The following DGKB variants were observed in gnomAD, a reference collection of about 807,000 sequenced individuals.
DGKB encodes diacylglycerol kinase beta.
Under a neutral mutation model 114.3 loss-of-function variants are expected in DGKB, and 67 were observed. The ratio of observed to expected loss-of-function variants is 0.59; its 90% CI spans 0.48 to 0.72. The LOEUF (loss-of-function observed/expected upper bound fraction) is 0.72. Ranked by LOEUF, DGKB falls within the 30% of genes least tolerant of loss-of-function variation. DGKB has a pLI of 0.00. For synonymous variants in DGKB, 398 were observed against 323.1 expected (o/e 1.23, Z -2.49); for missense variants, 907 against 975.2 (o/e 0.93, Z 0.93).
chr7:14,378,504 A>C (rs2128672639), intron 21 of DGKB, among the ~76,000 whole-genome samples: 1 of 152,310 alleles, frequency 6.6e-6, no homozygotes, highest in East Asian at 1.9e-4. Context: ...CAAAATAAAA[A>C]ATTTATTTAA....
intron 4 of DGKB, among the ~76,000 whole-genome samples, chr7:14,737,189 A>G (rs1011813909): frequency 6.6e-6 from 1 of 151,956 alleles, no homozygotes; most frequent in Non-Finnish European, 1.5e-5. Context: ...TGAAAGGACT[A>G]GAAGACCTAC....
chr7:14,759,466 G>A (rs1586279513), intron 2 of DGKB, among the ~76,000 whole-genome samples: 2 of 151,984 alleles, frequency 1.3e-5, no homozygotes, highest in Non-Finnish European at 1.5e-5. Context: ...TGTGTCTATG[G>A]ATTTGCCTAT....
At chr7:14,218,863 A>T (rs1359659115) in intron 23 of DGKB, among the ~76,000 whole-genome samples, 1 of 151,792 alleles carries the variant, frequency 6.6e-6, no homozygotes, top group Non-Finnish European at 1.5e-5. Flanking sequence ...CATTTTCATC[A>T]CTTCAGGAAG....
chr7:14,856,020 C>CACACACACACCA lies in DGKB; in HGVS notation c.-187-14571_-187-14570insTGGTGTGTGTGT, dbSNP rs3036255. On this transcript the variant is annotated intron_variant, in intron 1 of 25. Transcript: ENST00000402815. ...ATATATATACACACACACACACACA[C>CACACACACACCA]ATAATTAACATACTCCTAAACCTCT... Among the ~76,000 whole-genome samples the CACACACACACCA allele has an allele frequency of 2.7e-3, 407 of 148,922 alleles. 2 individuals carry two copies. Among genetic ancestry groups the CACACACACACCA allele is most frequent in the African/African-American group, 9.6e-3 (388 of 40,216 alleles).
At chr7:14,514,107 C>G (rs1488056767) in intron 20 of DGKB, among the ~76,000 whole-genome samples, 1 of 151,988 alleles carries the variant, frequency 6.6e-6, no homozygotes. Flanking sequence ...AACTTGAGAA[C>G]TGATTTGATT....
chr7:14,847,931 A>G (rs969803292), intron 1 of DGKB, among the ~76,000 whole-genome samples: 1 of 152,202 alleles, frequency 6.6e-6, no homozygotes, highest in Admixed American at 6.5e-5. Flanking sequence ...GTAAGCAAGA[A>G]GTAAAGGAGC....
intron 13 of DGKB, among the ~76,000 whole-genome samples, chr7:14,633,491 C>G (rs896393031): frequency 6.6e-6 from 1 of 151,838 alleles, no homozygotes; most frequent in African/African-American, 2.4e-5. Context: ...ACATGCCCAT[C>G]AGTAGTTTAT....
intron 5 of DGKB, among the ~76,000 whole-genome samples, chr7:14,725,206 C>T (rs1430025017): frequency 6.6e-6 from 1 of 152,102 alleles, no homozygotes; most frequent in African/African-American, 2.4e-5. Flanking sequence ...AACAAAAAAA[C>T]TTTCTGCACT....
chr7:14,658,473 C>T (rs181589231), intron 13 of DGKB, among the ~76,000 whole-genome samples: 78 of 151,642 alleles, frequency 5.1e-4, no homozygotes, highest in African/African-American at 1.7e-3. Flanking sequence ...GATACAAACA[C>T]GAGGTTAGAT....
At chr7:14,306,628 T>C (rs1804527077) in intron 23 of DGKB, among the ~76,000 whole-genome samples, 2 of 152,162 alleles carry the variant, frequency 1.3e-5, no homozygotes, top group African/African-American at 4.8e-5. Flanking sequence ...CTGCATCCTT[T>C]GGCTCTGCGC....
intron 1 of DGKB, among the ~76,000 whole-genome samples, chr7:14,952,136 G>C (rs1397838016): frequency 6.6e-6 from 1 of 151,960 alleles, no homozygotes; most frequent in Admixed American, 6.6e-5. Context: ...ATACAAAGAG[G>C]AATGCTATGT....
In DGKB at chr7:14,945,619, G is replaced by C. The variant is rs374840173; in HGVS notation, c.-188+29077C>G. ...CAGGCACACGCACAAGTACAAGACT[G>C]CACATATCAGAAGCAACTATATCAG... is the stretch of plus-strand genomic sequence containing the variant. On this transcript the variant is annotated intron_variant, in intron 1 of 4. Transcript: ENST00000437998. Among the ~76,000 whole-genome samples the C allele has an allele frequency of 3.3e-4, 50 of 151,750 alleles. No homozygotes were observed. In the East Asian group the frequency reaches 6.4e-3, roughly 19 times the overall value.
At chr7:14,952,951 T>G (rs1786289242) in intron 1 of DGKB, among the ~76,000 whole-genome samples, 1 of 151,920 alleles carries the variant, frequency 6.6e-6, no homozygotes, top group South Asian at 2.1e-4. Context: ...GAAAAAACAA[T>G]TCAGTGGGGG....
intron 5 of DGKB, among the ~76,000 whole-genome samples, chr7:14,733,678 A>G (rs192285920): frequency 1.5e-4 from 23 of 152,034 alleles, no homozygotes; most frequent in Admixed American, 3.3e-4. Context: ...CCTGTGTCAG[A>G]AAGAAAGAAA....
At chr7:14,488,578 G>T (rs555210220) in intron 20 of DGKB, among the ~76,000 whole-genome samples, 117 of 151,670 alleles carry the variant, frequency 7.7e-4, no homozygotes, top group African/African-American at 2.6e-3. Context: ...CCAGCACTTT[G>T]GGAGGCTGAG....
chr7:14,800,047 G>C (rs1171788492), intron 2 of DGKB, among the ~76,000 whole-genome samples: 1 of 151,998 alleles, frequency 6.6e-6, no homozygotes, highest in Non-Finnish European at 1.5e-5. Flanking sequence ...CTTCTGAGTA[G>C]CTGGGACTAC....
At chr7:14,738,285 C>T (rs1832046443) in intron 4 of DGKB, among the ~76,000 whole-genome samples, 1 of 152,204 alleles carries the variant, frequency 6.6e-6, no homozygotes, top group Non-Finnish European at 1.5e-5. Flanking sequence ...TGAAAATATT[C>T]ACAAGCATTG....
At chr7:14,812,329 C>T (rs1843554793) in intron 2 of DGKB, among the ~76,000 whole-genome samples, 2 of 151,880 alleles carry the variant, frequency 1.3e-5, no homozygotes, top group African/African-American at 2.4e-5. Context: ...ATTTTTCATG[C>T]TTTTGTCTCA....
intron 23 of DGKB, among the ~76,000 whole-genome samples, chr7:14,241,009 C>A (rs1793558791): frequency 6.6e-6 from 1 of 152,040 alleles, no homozygotes; most frequent in African/African-American, 2.4e-5. Flanking sequence ...TGTTGACTCT[C>A]AGTCATAAAT....
Sources: allele counts gnomAD v4.1 joint callset (sites outside exome capture counted in the v4.1 genomes callset), GRCh38; gene constraint gnomAD v4.1.1; transcripts MANE v1.5; gene names NCBI Gene and HGNC (gene_info 2026-07-23, HGNC 2026-07-21).